C5: variants seen among roughly 807,000 people sequenced by gnomAD.
C5 encodes the protein complement C5, also known as C3 and PZP-like alpha-2-macroglobulin domain-containing protein 4.
Under a neutral mutation model 218.8 loss-of-function variants are expected in C5, and 140 were observed. That is an observed-to-expected ratio of 0.64 (90% CI 0.56 to 0.74). The LOEUF is 0.74. C5 is among the 30% of genes least tolerant of loss of function. C5 has a pLI of 0.00. For synonymous variants in C5, 614 were observed against 682.3 expected (o/e 0.90, Z 1.56); for missense variants, 1,700 against 1,969.6 (o/e 0.86, Z 2.59).
Position 120,952,641 on chromosome 9 carries a change from C to G in C5, c.*98G>C. 2.5e-6 allele frequency: 3 copies of G among 1,204,940 alleles called. No homozygotes were observed. The highest frequency in any genetic ancestry group is 3.6e-6 in the Non-Finnish European group (3 of 829,704). The allele number at this position is 1,204,940 out of a possible 1,614,324, so 74.6% of individuals were successfully genotyped here. Reference sequence around the variant, plus strand: ...AGTAAAGTGAGCTTTACAAATAAGACCAGCTATGAATGTTTAAAAAAAGAA... The same window carrying G: ...AGTAAAGTGAGCTTTACAAATAAGAGCAGCTATGAATGTTTAAAAAAAGAA... On this transcript the variant is annotated 3_prime_UTR_variant, in exon 41 of 41. Coordinates refer to ENST00000223642, the MANE Select transcript of C5 (RefSeq NM_001735.3).
At chr9:121,000,003 G>A in intron 20 of C5, 1 of 420,570 alleles carries the variant, frequency 2.4e-6, no homozygotes, top group Non-Finnish European at 4.7e-6. Context: ...AGCTTGCAGT[G>A]ACCCGAGATC....
intron 21 of C5, 53 bp downstream of exon 21, chr9:120,997,494 G>T: frequency 2.3e-6 from 3 of 1,298,186 alleles, no homozygotes; most frequent in Non-Finnish European, 3.3e-6. Flanking sequence ...CCCTTTCTGT[G>T]TCTCTCTTTT....
intron 3 of C5, 131 bp downstream of exon 3, chr9:121,042,873 G>A (rs1587999310): frequency 1.5e-6 from 1 of 677,516 alleles, no homozygotes; most frequent in Non-Finnish European, 2.6e-6. Context: ...ATGTCTTTGG[G>A]AATTGAGAGT....
intron 39 of C5, among the ~76,000 whole-genome samples, chr9:120,956,107 C>T (rs2046782515): frequency 6.6e-6 from 1 of 151,968 alleles, no homozygotes; most frequent in Non-Finnish European, 1.5e-5. Flanking sequence ...ACCAGCCTGG[C>T]CAACATGTAA....
At chr9:121,038,016 C>T (rs2047544281) in intron 3 of C5, 65 bp from the exon 4 acceptor site, 8 of 764,636 alleles carry the variant, frequency 1.0e-5, no homozygotes, top group Non-Finnish European at 1.7e-5. Flanking sequence ...TTTTTTAAAA[C>T]AACCATCCTT....
the C5 span, among the ~76,000 whole-genome samples, chr9:121,065,178 T>C: frequency 1.5e-4 from 23 of 152,242 alleles, no homozygotes; most frequent in South Asian, 4.6e-3. Flanking sequence ...TATAAATTAG[T>C]ATAAACTGAA....
chr9:121,018,398 A>T (rs2047327690), intron 12 of C5, among the ~76,000 whole-genome samples: 1 of 151,700 alleles, frequency 6.6e-6, no homozygotes, highest in Non-Finnish European at 1.5e-5. Flanking sequence ...ACATGGTGAA[A>T]CCCTGGCTCT....
At chr9:120,987,295 A>T (rs1352119727) in intron 25 of C5, among the ~76,000 whole-genome samples, 3 of 152,036 alleles carry the variant, frequency 2.0e-5, no homozygotes, top group Non-Finnish European at 4.4e-5. Flanking sequence ...GTACCAGGGG[A>T]GATTACAGAA....
intron 33 of C5, among the ~76,000 whole-genome samples, chr9:120,967,461 C>T (rs1485864540): frequency 6.6e-6 from 1 of 152,106 alleles, no homozygotes; most frequent in Non-Finnish European, 1.5e-5. Flanking sequence ...TTTTGCACAA[C>T]ACTATTGAAT....
At chr9:121,025,328 T>A (rs1467366703) in intron 9 of C5, 126 bp downstream of exon 9, 2 of 1,101,986 alleles carry the variant, frequency 1.8e-6, no homozygotes, top group East Asian at 6.0e-5. Context: ...TATATTTAAC[T>A]ATGAAAGAAA....
intron 14 of C5, among the ~76,000 whole-genome samples, chr9:121,017,025 AC>A (rs2047313054): frequency 1.3e-5 from 2 of 152,160 alleles, no homozygotes; most frequent in African/African-American, 4.8e-5. Flanking sequence ...TCCAAATGTT[AC>A]CTATACAGGT....
intron 20 of C5, among the ~76,000 whole-genome samples, chr9:121,000,702 CG>C (rs1465576100): frequency 2.6e-5 from 4 of 152,096 alleles, no homozygotes; most frequent in African/African-American, 9.7e-5. Context: ...ATTTTAGGTT[CG>C]GGGCACATGT....
chr9:120,959,049 A>C (rs767755851), intron 38 of C5, among the ~76,000 whole-genome samples: 3 of 151,910 alleles, frequency 2.0e-5, no homozygotes, highest in Non-Finnish European at 4.4e-5. Context: ...CAGCCTCCCA[A>C]AGTGCTGGGA....
chr9:120,975,886 T>A (rs1040511691), intron 29 of C5, among the ~76,000 whole-genome samples: 2 of 152,166 alleles, frequency 1.3e-5, no homozygotes, highest in African/African-American at 2.4e-5. Flanking sequence ...ATGAATAAAC[T>A]TTATCTTTCT....
intron 40 of C5, 46 bp downstream of exon 40, chr9:120,953,684 C>T (rs753463804): frequency 2.2e-5 from 35 of 1,593,784 alleles, no homozygotes; most frequent in Non-Finnish European, 2.6e-5. Flanking sequence ...AAATTATACT[C>T]AGTTTTGGAG....
At chr9:121,071,074 C>A in the C5 span, among the ~76,000 whole-genome samples, 1 of 152,066 alleles carries the variant, frequency 6.6e-6, no homozygotes, top group African/African-American at 2.4e-5. Context: ...CTTTGGGGGA[C>A]CAAGGCAAGC....
At chr9:121,021,448 C>T in intron 11 of C5, 61 bp downstream of exon 11, 2 of 1,393,798 alleles carry the variant, frequency 1.4e-6, no homozygotes, top group Admixed American at 3.4e-5. Context: ...GCACACTAGC[C>T]AAAACACATG....
At chr9:120,958,599 A>T (rs2046803721) in intron 38 of C5, among the ~76,000 whole-genome samples, 1 of 151,968 alleles carries the variant, frequency 6.6e-6, no homozygotes, top group Admixed American at 6.6e-5. Flanking sequence ...ATATAAATTC[A>T]AAGAAAGAAA....
In C5 at chr9:120,953,791, C is replaced by CT. The variant is rs760419832; in HGVS notation, c.4839dup (p.Gly1614ArgfsTer9). 1 of 1,613,898 alleles carries CT rather than the reference C, an allele frequency of 6.2e-7. No individual in the cohort carries two copies. Among genetic ancestry groups the CT allele is most frequent in the South Asian group, 1.1e-5 (1 of 91,078 alleles). On this transcript the variant is annotated frameshift_variant, in exon 40 of 41. Coordinates refer to ENST00000223642, the MANE Select transcript of C5 (RefSeq NM_001735.3). LOFTEE classifies it high-confidence loss of function. ...TTACCCATAATTAAGTACTGTCTTC[C>CT]TTTTACCAGCTCAGCGTTAGTACAG...
Sources: gnomAD v4.1 joint callset for allele counts (sites outside exome capture counted in the v4.1 genomes callset) on GRCh38, gnomAD v4.1.1 for gene constraint, MANE v1.5 for transcripts, NCBI Gene and HGNC (gene_info 2026-07-23, HGNC 2026-07-21) for gene names.